AKAP9: variants seen among roughly 807,000 people sequenced by gnomAD.
AKAP9 encodes the protein A-kinase anchoring protein 9.
In AKAP9, 311 loss-of-function variants were observed where a neutral mutation model predicts 488.5. The ratio of observed to expected loss-of-function variants is 0.64; its 90% CI spans 0.58 to 0.70. The LOEUF is 0.70. Ranked by LOEUF, AKAP9 falls within the 30% of genes least tolerant of loss-of-function variation. The pLI, the probability that AKAP9 is intolerant of heterozygous loss-of-function variation, is 0.00. For missense variants in AKAP9, 4,215 were observed against 4,374.5 expected (o/e 0.96, Z 1.03); for synonymous variants, 1,462 against 1,483.5 (o/e 0.99, Z 0.33).
rs931931856 is a variant in AKAP9, at chr7:92,086,230, T to C, written c.9027T>C (p.Val3009=). The change falls in exon 37 of 50, where the codon GTT becomes GTC. Residue 3009 remains valine (V), a splice_region_variant and synonymous_variant. Transcript: ENST00000356239. The part of the protein sequence containing the change: ...TKMQLQREAE[V]YDSSQSHESF... The stretch of plus-strand genomic sequence containing the variant: ...TATCGTTATATGTACTTTGCTAGGT[T>C]TATGATAGTTCTCAATCTCATGAGA... The C allele has an allele frequency of 9.9e-6, 16 of 1,613,726 alleles. No individual in the cohort carries two copies. The highest frequency in any genetic ancestry group is 1.4e-5 in the Non-Finnish European group (16 of 1,179,622).
chr7:91,998,636 T>A (rs1798729529), intron 7 of AKAP9, among the ~76,000 whole-genome samples: 1 of 151,826 alleles, frequency 6.6e-6, no homozygotes, highest in Non-Finnish European at 1.5e-5. Context: ...AAGGCCCCAC[T>A]CCCCTATATA....
chr7:92,109,001 G>A lies in AKAP9; in HGVS notation c.11686+368G>A, dbSNP rs1818953520. 4.6e-5 allele frequency: 17 copies of A among 369,880 alleles called. No individual in the cohort carries two copies. In the South Asian group the frequency reaches 4.9e-4, roughly 11 times the overall value. 22.9% of individuals were successfully genotyped at this position (369,880 alleles called of 1,614,324 possible). A position where few individuals can be genotyped will look rare whatever the true frequency, so the allele number is the denominator to read the frequency against. On this transcript the variant is annotated intron_variant, in intron 49 of 49. Coordinates refer to ENST00000356239, the MANE Select transcript of AKAP9 (RefSeq NM_005751.5). ...GCGCATGGCAGAAAGTGGTAAGGCCGTGCCGCAGCACTCCAGCCTGGGCAG... is the reference window on the plus strand; with the variant it reads ...GCGCATGGCAGAAAGTGGTAAGGCCATGCCGCAGCACTCCAGCCTGGGCAG...
At chr7:91,974,249 T>C (rs1795404251) in intron 2 of AKAP9, among the ~76,000 whole-genome samples, 1 of 152,224 alleles carries the variant, frequency 6.6e-6, no homozygotes, top group African/African-American at 2.4e-5. Context: ...AGGAAAATTA[T>C]TCTAGTGGAG....
intron 8 of AKAP9, among the ~76,000 whole-genome samples, chr7:92,004,384 T>C (rs1297347769): frequency 6.6e-6 from 1 of 152,242 alleles, no homozygotes; most frequent in Non-Finnish European, 1.5e-5. Flanking sequence ...GGGAATGGCA[T>C]TGAATCTATA....
rs1055175109 is a variant in AKAP9 at position 91,951,100 on chromosome 7, GT to G, written c.48+9963del. Among the ~76,000 whole-genome samples the G allele has an allele frequency of 6.8e-5, 10 of 147,820 alleles. No individual in the cohort carries two copies. In the East Asian group the frequency reaches 1.2e-3, roughly 17 times the overall value. On this transcript the variant is annotated intron_variant, in intron 1 of 49. Transcript: ENST00000356239. ...TGAGAAAAAGAAAAGATAATTTGAG[GT>G]TTTTTTTTTAGTTGAGAAGAATGCG...
chr7:92,100,490 T>C (rs1322572153), intron 44 of AKAP9, among the ~76,000 whole-genome samples: 1 of 152,224 alleles, frequency 6.6e-6, no homozygotes, highest in African/African-American at 2.4e-5. Flanking sequence ...ATCCACTTAT[T>C]ATGTACATAC....
At chr7:92,038,232 T>A (rs939018429) in intron 16 of AKAP9, among the ~76,000 whole-genome samples, 187 bp from the exon 17 acceptor site, 3 of 152,216 alleles carry the variant, frequency 2.0e-5, no homozygotes, top group African/African-American at 7.2e-5. Context: ...AAATAAATAC[T>A]TTGACATTAG....
In AKAP9 at chr7:92,077,696, G is replaced by T; in HGVS notation, c.6766G>T (p.Asp2256Tyr). Residue 2256 changes from aspartate to tyrosine, a missense_variant and splice_region_variant, in exon 30 of 50, where the codon GAT (aspartate) becomes TAT (tyrosine). By Grantham distance (160) the Asp-to-Tyr change is radical. This residue lies in a region of AKAP9 where 51 missense variants were observed against 87.3 expected (regional missense o/e 0.58). Transcript: ENST00000356239. ...ELEQENKLFK[D>Y]DMEKLGLAIK... ...CTGTGATAATTATTTTTGTTCCTAGGATGACATGGAGAAACTGGGACTTGC... is the reference window on the plus strand; with the variant it reads ...CTGTGATAATTATTTTTGTTCCTAGTATGACATGGAGAAACTGGGACTTGC... 6.2e-7 allele frequency: 1 copy of T among 1,613,238 alleles called. No individual in the cohort carries two copies. Among genetic ancestry groups the T allele is most frequent in the Non-Finnish European group, 8.5e-7 (1 of 1,179,442 alleles).
chr7:92,035,232 A>G (rs558478657), intron 16 of AKAP9, among the ~76,000 whole-genome samples: 26 of 152,224 alleles, frequency 1.7e-4, no homozygotes, highest in Non-Finnish European at 3.4e-4. Context: ...TTATTTAGAA[A>G]TGTACTGATT....
chr7:92,056,292 A>G (rs1584348978), intron 22 of AKAP9, among the ~76,000 whole-genome samples: 1 of 152,072 alleles, frequency 6.6e-6, no homozygotes, highest in Middle Eastern at 3.4e-3. Flanking sequence ...AAGAGAAACT[A>G]GATATCAGAT....
chr7:92,005,939 G>T (rs1204215441), intron 8 of AKAP9, among the ~76,000 whole-genome samples: 3 of 152,124 alleles, frequency 2.0e-5, no homozygotes, highest in African/African-American at 7.2e-5. Flanking sequence ...AAAGTGCTGG[G>T]ATTACAGGCG....
intron 12 of AKAP9, among the ~76,000 whole-genome samples, chr7:92,020,458 C>T (rs1419740227): frequency 6.6e-6 from 1 of 152,142 alleles, no homozygotes; most frequent in Non-Finnish European, 1.5e-5. Flanking sequence ...TTCCTCTGTT[C>T]CCTTAGCAAC....
At chr7:92,016,319 T>C (rs760500399) in intron 11 of AKAP9, 52 bp downstream of exon 11, 2 of 1,283,756 alleles carry the variant, frequency 1.6e-6, no homozygotes, top group South Asian at 1.4e-5. Context: ...CTTAAATTAA[T>C]TGATGACAGA....
At chr7:92,014,214 A>G (rs776033020) in intron 9 of AKAP9, 35 bp from the exon 10 acceptor site, 3 of 1,432,456 alleles carry the variant, frequency 2.1e-6, no homozygotes, top group Non-Finnish European at 3.0e-6. Context: ...TAAGTATGTA[A>G]ATTGAATTTC....
intron 31 of AKAP9, among the ~76,000 whole-genome samples, chr7:92,082,247 G>A (rs767055877): frequency 6.6e-6 from 1 of 152,168 alleles, no homozygotes; most frequent in South Asian, 2.1e-4. Context: ...AAATAGTAAT[G>A]TAACTTTCCA....
At chr7:91,974,245 A>AT (rs1456260671) in intron 2 of AKAP9, among the ~76,000 whole-genome samples, 1 of 152,180 alleles carries the variant, frequency 6.6e-6, no homozygotes, top group Admixed American at 6.6e-5. Context: ...CTTTAGGAAA[A>AT]TTATTCTAGT....
In AKAP9 at chr7:92,003,127, G is replaced by A; in HGVS notation, c.3210G>A (p.Leu1070=). Residue 1070 remains leucine, a synonymous_variant, in exon 8 of 50, where the codon TTG becomes TTA. Transcript: ENST00000356239. The part of the protein sequence containing the change: ...TVGEESKQEQ[L]ILDHLPSVTK... ...GAGAAGAAAGTAAGCAAGAACAGTTGATTTTGGATCACTTACCATCTGTAA... is the reference window on the plus strand; with the variant it reads ...GAGAAGAAAGTAAGCAAGAACAGTTAATTTTGGATCACTTACCATCTGTAA... 1 of 1,611,146 alleles carries A rather than the reference G, an allele frequency of 6.2e-7. No individual in the cohort carries two copies. The highest frequency in any genetic ancestry group is 1.1e-5 in the South Asian group (1 of 90,590).
intron 8 of AKAP9, among the ~76,000 whole-genome samples, chr7:92,009,581 T>C (rs531686328): frequency 1.3e-5 from 2 of 151,712 alleles, no homozygotes; most frequent in African/African-American, 2.4e-5. Flanking sequence ...TAAAATAGGA[T>C]TAAAGGGAGA....
chr7:92,091,853 A>G (rs899170665), intron 38 of AKAP9: 1 of 151,510 alleles, frequency 6.6e-6, no homozygotes, highest in Non-Finnish European at 1.5e-5. Flanking sequence ...TAGAAGCCTA[A>G]ATTAAACATG....
Sources: gnomAD v4.1 joint callset for allele counts (sites outside exome capture counted in the v4.1 genomes callset) on GRCh38, gnomAD v4.1.1 for gene constraint, gnomAD v4.1.1 regional missense constraint, MANE v1.5 for transcripts, NCBI Gene and HGNC (gene_info 2026-07-23, HGNC 2026-07-21) for gene names.